The following JAKMIP1 variants were observed in gnomAD, a reference collection of about 807,000 sequenced individuals.
JAKMIP1 encodes janus kinase and microtubule-interacting protein 1.
JAKMIP1 carries 33 observed loss-of-function variants against 113.0 expected under a neutral mutation model. The observed-to-expected ratio is 0.29, with a 90% CI of 0.22 to 0.39. The LOEUF (loss-of-function observed/expected upper bound fraction) is 0.39, where lower values mean the gene tolerates loss of function less well. Ranked by LOEUF, JAKMIP1 falls within the 10% of genes least tolerant of loss-of-function variation. JAKMIP1 has a pLI of 1.00. For missense variants in JAKMIP1, 813 were observed against 1,080.5 expected, an observed-to-expected ratio of 0.75 and a Z score of 3.47; for synonymous variants, 480 against 459.9, an observed-to-expected ratio of 1.04 and a Z score of -0.56.
intron 1 of JAKMIP1, among the ~76,000 whole-genome samples, chr4:6,115,552 G>A (rs1715613506): frequency 6.6e-6 from 1 of 152,202 alleles, no homozygotes; most frequent in Non-Finnish European, 1.5e-5. Flanking sequence ...GGGATACGGT[G>A]GAAAGGACAT....
chr4:6,132,119 T>C (rs1718587956), intron 1 of JAKMIP1, among the ~76,000 whole-genome samples: 1 of 152,178 alleles, frequency 6.6e-6, no homozygotes, highest in Non-Finnish European at 1.5e-5. Context: ...AGCAACAGTG[T>C]AATTGATGGG....
At chr4:6,151,444 T>G (rs1035057261) in intron 1 of JAKMIP1, among the ~76,000 whole-genome samples, 4 of 152,114 alleles carry the variant, frequency 2.6e-5, no homozygotes, top group African/African-American at 9.7e-5. Flanking sequence ...CTGAGGTGCC[T>G]CCATGCCTCT....
At position 6,116,882 on chromosome 4, in the gene JAKMIP1, G is replaced by A. The variant is rs1040073622; in HGVS notation, c.-147-3885C>T. ...ACAGCTATCAAATATCACCTGTCAC[G>A]GGCAGGCGGTGGGGAGGGCAAACTG... On this transcript the variant is annotated intron_variant, in intron 1 of 20. Transcript: ENST00000409021. This position sits in a 1 kb window ranked among gnomAD's most constrained non-coding sequence, Gnocchi z 5.1. Among the ~76,000 whole-genome samples the A allele has an allele frequency of 2.0e-5, 3 of 152,330 alleles. No homozygotes were observed. The highest frequency in any genetic ancestry group is 3.9e-4 in the East Asian group (2 of 5,182).
rs1349620727 is a variant in JAKMIP1 at position 6,178,071 on chromosome 4, G to C, written c.-148+22182C>G. On this transcript the variant is annotated intron_variant, in intron 1 of 20. Transcript: ENST00000409021. The surrounding 1 kb of genome is among the most constrained non-coding windows in gnomAD (Gnocchi z 5.5). The stretch of plus-strand genomic sequence containing the variant: ...TCCAGCCCCTAACCCCGCCTCGTTG[G>C]CCACGCCCACTTCATGCTTCCTGTC... Among the ~76,000 whole-genome samples, 1 of 152,154 alleles carries C rather than the reference G, an allele frequency of 6.6e-6. No individual in the cohort carries two copies. Among genetic ancestry groups the C allele is most frequent in the Non-Finnish European group, 1.5e-5 (1 of 68,016 alleles).
At position 6,143,955 on chromosome 4, in the gene JAKMIP1, C is replaced by T. The variant is rs1156619047; in HGVS notation, c.-147-30958G>A. On this transcript the variant is annotated intron_variant, in intron 1 of 20. Coordinates refer to ENST00000409021, the MANE Select transcript of JAKMIP1 (RefSeq NM_001099433.2). This position sits in a 1 kb window ranked among gnomAD's most constrained non-coding sequence, Gnocchi z 4.9. ...TCCAGGGCTGGAGCAGGGACCACAGCATCTGCCTCACAGGCATGCCAGGGG... is the reference window on the plus strand; with the variant it reads ...TCCAGGGCTGGAGCAGGGACCACAGTATCTGCCTCACAGGCATGCCAGGGG... 6.6e-6 allele frequency among the ~76,000 whole-genome samples: 1 copy of T among 152,184 alleles called. No individual in the cohort carries two copies. The highest frequency in any genetic ancestry group is 1.5e-5 in the Non-Finnish European group (1 of 68,030).
Position 6,050,746 on chromosome 4 carries a change from G to T in JAKMIP1, c.1807-67C>A. On this transcript the variant is annotated intron_variant, in intron 13 of 20. Coordinates refer to ENST00000409021, the MANE Select transcript of JAKMIP1 (RefSeq NM_001099433.2). This position sits in a 1 kb window ranked among gnomAD's most constrained non-coding sequence, Gnocchi z 7.4. The stretch of plus-strand genomic sequence containing the variant: ...TATTTACCACTTGCCATTTTCCCAC[G>T]TTACTCAGCAAAAACCAAGGAATTC... 7.7e-7 allele frequency: 1 copy of T among 1,305,870 alleles called. No homozygotes were observed. Among genetic ancestry groups the T allele is most frequent in the Non-Finnish European group, 1.1e-6 (1 of 927,510 alleles). 80.9% of individuals were successfully genotyped at this position (1,305,870 alleles called of 1,614,324 possible).
chr4:6,183,963 T>A lies in JAKMIP1; in HGVS notation c.-148+16290A>T, dbSNP rs773437756. On this transcript the variant is annotated intron_variant, in intron 1 of 20. Transcript: ENST00000409021. The surrounding 1 kb of genome is among the most constrained non-coding windows in gnomAD (Gnocchi z 5.3). Reference sequence around the variant, plus strand: ...ACTCAAGATGCCACAGCTGTTCAGATTGCAACTGTCACCCTATACTTTTCG... The same window carrying A: ...ACTCAAGATGCCACAGCTGTTCAGAATGCAACTGTCACCCTATACTTTTCG... 3.3e-5 allele frequency among the ~76,000 whole-genome samples: 5 copies of A among 152,214 alleles called. No homozygotes were observed. Among genetic ancestry groups the A allele is most frequent in the Non-Finnish European group, 7.3e-5 (5 of 68,036 alleles).
chr4:6,111,957 A>C (rs1414626369), intron 2 of JAKMIP1, among the ~76,000 whole-genome samples: 1 of 152,194 alleles, frequency 6.6e-6, no homozygotes, highest in African/African-American at 2.4e-5. Context: ...ATCTGAACGG[A>C]TCCCTCCTCT....
chr4:6,054,731 A>C (rs1578103655), intron 12 of JAKMIP1: 1 of 456,676 alleles, frequency 2.2e-6, no homozygotes, highest in East Asian at 6.9e-5. Context: ...CACTCAGCCC[A>C]CTACTCCAGC....
chr4:6,121,634 A>C (rs927755428), intron 1 of JAKMIP1, among the ~76,000 whole-genome samples: 5 of 152,248 alleles, frequency 3.3e-5, no homozygotes, highest in African/African-American at 1.2e-4. Flanking sequence ...ACGTGCAGGA[A>C]GTCACTGGAG....
In JAKMIP1 at chr4:6,141,914, T is replaced by A. The variant is rs191850661; in HGVS notation, c.-147-28917A>T. Among the ~76,000 whole-genome samples the A allele has an allele frequency of 5.9e-5, 9 of 152,290 alleles. No individual in the cohort carries two copies. Among genetic ancestry groups the A allele is most frequent in the African/African-American group, 2.2e-4 (9 of 41,566 alleles). ...AAGGGCGTTAACCGTCTCTCTCTCA[T>A]TTTAAAAATCAAGTTTACTCCAATA... On this transcript the variant is annotated intron_variant, in intron 1 of 20. Coordinates refer to ENST00000409021, the MANE Select transcript of JAKMIP1 (RefSeq NM_001099433.2). This position sits in a 1 kb window ranked among gnomAD's most constrained non-coding sequence, Gnocchi z 9.4.
In JAKMIP1 at chr4:6,048,789, TAC is replaced by T. The variant is rs1186926803; in HGVS notation, c.2028+66_2028+67del. On this transcript the variant is annotated intron_variant, in intron 16 of 20. Coordinates refer to ENST00000409021, the MANE Select transcript of JAKMIP1 (RefSeq NM_001099433.2). ...TCCCACGCAAAGCAAGACGCCAATG[TAC>T]AGTTTCTTGTATGGTGCTGGGAAGC... 2.5e-5 allele frequency: 33 copies of T among 1,343,590 alleles called. No homozygotes were observed. In the East Asian group the frequency reaches 4.8e-4, roughly 20 times the overall value. The allele number at this position is 1,343,590 out of a possible 1,614,324, so 83.2% of individuals were successfully genotyped here. A position where few individuals can be genotyped will look rare whatever the true frequency, so the allele number is the denominator to read the frequency against.
intron 3 of JAKMIP1, among the ~76,000 whole-genome samples, chr4:6,099,476 C>T (rs1712644687): frequency 6.6e-6 from 1 of 152,254 alleles, no homozygotes. Context: ...TGCGAGAGCA[C>T]AGATCCATTT....
chr4:6,085,672 G>A (rs1327131379), intron 3 of JAKMIP1, 43 bp from the exon 4 acceptor site: 19 of 1,574,624 alleles, frequency 1.2e-5, no homozygotes, highest in Non-Finnish European at 1.7e-5. Context: ...AGGGGCTCAT[G>A]ACCAAGGAAA....
rs1712594675 is a variant in JAKMIP1 at position 6,031,160 on chromosome 4, C to T, written c.2380-1379G>A. On this transcript the variant is annotated intron_variant, in intron 19 of 20. Coordinates refer to ENST00000409021, the MANE Select transcript of JAKMIP1 (RefSeq NM_001099433.2). The surrounding 1 kb of genome is among the most constrained non-coding windows in gnomAD (Gnocchi z 4.4). ...CAAGAAAACCAAGAGGGGCTGGGCA[C>T]GGTGGCTCAAGCCTGTAATCCCAGC... Among the ~76,000 whole-genome samples the T allele has an allele frequency of 6.6e-6, 1 of 152,134 alleles. No individual in the cohort carries two copies. Among genetic ancestry groups the T allele is most frequent in the South Asian group, 2.1e-4 (1 of 4,810 alleles).
intron 3 of JAKMIP1, among the ~76,000 whole-genome samples, chr4:6,090,642 G>A (rs748350900): frequency 9.9e-5 from 15 of 151,612 alleles, no homozygotes; most frequent in South Asian, 8.3e-4. Context: ...GAGTGTCACC[G>A]CCTCATGTTG....
chr4:6,114,394 A>G (rs535590779), intron 1 of JAKMIP1, among the ~76,000 whole-genome samples: 1 of 152,312 alleles, frequency 6.6e-6, no homozygotes, highest in Admixed American at 6.5e-5. Flanking sequence ...CCTGGAGTCC[A>G]TGTGACCTCA....
At chr4:6,103,736 G>T (rs533237497) in intron 3 of JAKMIP1, among the ~76,000 whole-genome samples, 5 of 152,244 alleles carry the variant, frequency 3.3e-5, no homozygotes, top group Admixed American at 6.5e-5. Context: ...GGTACATTGT[G>T]CTTATTCAAG....
intron 3 of JAKMIP1, among the ~76,000 whole-genome samples, chr4:6,100,869 G>GT (rs1712901769): frequency 6.6e-6 from 1 of 151,908 alleles, no homozygotes; most frequent in African/African-American, 2.4e-5. Context: ...TAATTATCCT[G>GT]TTTTTGAAAT....
Sources: gnomAD v4.1 joint callset for allele counts (sites outside exome capture counted in the v4.1 genomes callset) on GRCh38, gnomAD v4.1.1 for gene constraint, Gnocchi (gnomAD v3.1) non-coding constraint, MANE v1.5 for transcripts, NCBI Gene and HGNC (gene_info 2026-07-23, HGNC 2026-07-21) for gene names.